Variants in NPSR1 observed in about 807,000 individuals in gnomAD.
NPSR1 encodes the protein neuropeptide S receptor 1.
A neutral mutation model predicts 46.9 loss-of-function variants in NPSR1; 48 were observed. The observed-to-expected ratio is 1.02, with a 90% CI of 0.81 to 1.30. The LOEUF (loss-of-function observed/expected upper bound fraction) is 1.30, where lower values mean the gene tolerates loss of function less well. Ranked by LOEUF, NPSR1 falls within the 50% of genes most tolerant of loss-of-function variation. The probability of loss-of-function intolerance (pLI) is 0.00; values close to 1 mark genes in which losing one functional copy is unlikely to be tolerated. For synonymous variants in NPSR1, 176 were observed against 168.1 expected (o/e 1.05, Z -0.36); for missense variants, 450 against 449.5 (o/e 1.00, Z -0.01).
rs542634311 is a variant in NPSR1 at position 34,858,789 on chromosome 7, C to T, written c.1025+10126C>T. On this transcript the variant is annotated intron_variant, in intron 8 of 8. Coordinates refer to the NPSR1 transcript ENST00000359791. Reference sequence around the variant, plus strand: ...AAGAACAGCACAGGAAAGACCTGTCCCCATGATTCAGTCATCTCCCACTGG... The same window carrying T: ...AAGAACAGCACAGGAAAGACCTGTCTCCATGATTCAGTCATCTCCCACTGG... Among the ~76,000 whole-genome samples the T allele has an allele frequency of 3.3e-5, 5 of 151,834 alleles. No homozygotes were observed. In the East Asian group the frequency reaches 9.6e-4, roughly 29 times the overall value.
intron 3 of NPSR1, among the ~76,000 whole-genome samples, chr7:34,804,534 T>C (rs572255072): frequency 3.6e-4 from 54 of 152,094 alleles, no homozygotes; most frequent in African/African-American, 1.3e-3. Context: ...TCAACTTCAT[T>C]AACAGCATCT....
chr7:34,671,296 GTTT>G (rs1193267971), intron 1 of NPSR1, among the ~76,000 whole-genome samples: 1 of 151,930 alleles, frequency 6.6e-6, no homozygotes, highest in Non-Finnish European at 1.5e-5. Context: ...TTTGCAGATG[GTTT>G]TTATTTTATC....
chr7:34,771,042 T>A (rs1229458057), intron 2 of NPSR1, among the ~76,000 whole-genome samples: 2 of 152,220 alleles, frequency 1.3e-5, no homozygotes, highest in Non-Finnish European at 2.9e-5. Context: ...AACACACCAA[T>A]TCTTGGGCAC....
At chr7:34,804,294 G>T (rs1453938978) in intron 3 of NPSR1, among the ~76,000 whole-genome samples, 1 of 151,962 alleles carries the variant, frequency 6.6e-6, no homozygotes, top group Non-Finnish European at 1.5e-5. Flanking sequence ...TTGTTTAAAG[G>T]TATAATCATG....
intron 1 of NPSR1, among the ~76,000 whole-genome samples, chr7:34,678,761 G>C (rs1792461873): frequency 1.3e-5 from 2 of 150,406 alleles, no homozygotes; most frequent in South Asian, 4.2e-4. Flanking sequence ...GGCAGGCGGA[G>C]CTTGCAGTGA....
chr7:34,811,154 C>A (rs2128750760), intron 3 of NPSR1, among the ~76,000 whole-genome samples: 1 of 152,204 alleles, frequency 6.6e-6, no homozygotes, highest in African/African-American at 2.4e-5. Flanking sequence ...TCTTGGTGGC[C>A]ATGTCCTCGT....
At chr7:34,683,891 C>T (rs890986180) in intron 1 of NPSR1, among the ~76,000 whole-genome samples, 2 of 152,178 alleles carry the variant, frequency 1.3e-5, no homozygotes, top group Non-Finnish European at 2.9e-5. Flanking sequence ...CACATTCAAA[C>T]CACAGAAACA....
intron 2 of NPSR1, among the ~76,000 whole-genome samples, chr7:34,775,907 T>A (rs1030182296): frequency 1.3e-5 from 2 of 152,120 alleles, no homozygotes; most frequent in African/African-American, 4.8e-5. Flanking sequence ...CTGTATCCCA[T>A]AGATTTTGGT....
intron 4 of NPSR1, among the ~76,000 whole-genome samples, chr7:34,813,119 TA>T (rs1789073967): frequency 1.3e-5 from 2 of 152,232 alleles, no homozygotes; most frequent in African/African-American, 4.8e-5. Flanking sequence ...CATGTATACA[TA>T]TGTGATGTAT....
intron 4 of NPSR1, among the ~76,000 whole-genome samples, chr7:34,820,322 T>C (rs1789490605): frequency 6.6e-6 from 1 of 152,194 alleles, no homozygotes; most frequent in African/African-American, 2.4e-5. Context: ...ATTTTAAAAA[T>C]AGAAAATATA....
At chr7:34,795,724 A>C (rs1053398965) in intron 3 of NPSR1, among the ~76,000 whole-genome samples, 3 of 152,170 alleles carry the variant, frequency 2.0e-5, no homozygotes, top group Non-Finnish European at 4.4e-5. Flanking sequence ...CTATACAAGG[A>C]AAACTACGAA....
chr7:34,685,198 T>G (rs558092938), intron 2 of NPSR1, among the ~76,000 whole-genome samples: 3 of 152,322 alleles, frequency 2.0e-5, no homozygotes, highest in African/African-American at 7.2e-5. Context: ...TCGGGATGCT[T>G]AAGTGTAGAC....
At chr7:34,751,388 T>G (rs1352521940) in intron 2 of NPSR1, 1 of 1,022,188 alleles carries the variant, frequency 9.8e-7, no homozygotes, top group Non-Finnish European at 1.6e-6. Context: ...AGGCCTGAGT[T>G]GTTGTAGACT....
chr7:34,803,009 A>G (rs1788496247), intron 3 of NPSR1, among the ~76,000 whole-genome samples: 1 of 150,384 alleles, frequency 6.6e-6, no homozygotes, highest in African/African-American at 2.5e-5. Flanking sequence ...AATCAAAACC[A>G]CAATGAGCTA....
chr7:34,823,020 G>A (rs1789629905), intron 4 of NPSR1, among the ~76,000 whole-genome samples: 1 of 152,018 alleles, frequency 6.6e-6, no homozygotes, highest in Admixed American at 6.6e-5. Flanking sequence ...TTTTTATAAA[G>A]AAGTCTGGCA....
intron 3 of NPSR1, among the ~76,000 whole-genome samples, chr7:34,809,066 A>G (rs1344254042): frequency 3.3e-5 from 5 of 152,062 alleles, no homozygotes; most frequent in Admixed American, 1.3e-4. Flanking sequence ...CAGAGCCCCA[A>G]GATCCTTATA....
intron 3 of NPSR1, among the ~76,000 whole-genome samples, chr7:34,785,294 C>T (rs1043040360): frequency 6.1e-5 from 9 of 148,220 alleles, no homozygotes; most frequent in African/African-American, 2.3e-4. Flanking sequence ...AAAAGCCAAA[C>T]ATCGCATGTT....
In NPSR1 at chr7:34,849,853, C is replaced by A. The variant is rs1475021271; in HGVS notation, c.*198C>A. 7.5e-6 allele frequency: 10 copies of A among 1,340,834 alleles called. No individual in the cohort carries two copies. The highest frequency in any genetic ancestry group is 7.7e-6 in the Non-Finnish European group (8 of 1,043,408). The allele number at this position is 1,340,834 out of a possible 1,614,324, so 83.1% of individuals were successfully genotyped here. On this transcript the variant is annotated 3_prime_UTR_variant, in exon 9 of 9. Coordinates refer to ENST00000360581, the MANE Select transcript of NPSR1 (RefSeq NM_207172.2). ...AACACGAACTCCCCAGTTATTCATG[C>A]CAGCCAGGAAGGAAACGCCTTCCTT...
At chr7:34,686,133 T>C (rs1583807006) in intron 2 of NPSR1, 1 of 152,998 alleles carries the variant, frequency 6.5e-6, no homozygotes, top group Non-Finnish European at 1.5e-5. Flanking sequence ...TCATAAACAA[T>C]AAACAAATGA....
Sources: allele counts gnomAD v4.1 joint callset (sites outside exome capture counted in the v4.1 genomes callset), GRCh38; gene constraint gnomAD v4.1.1; transcripts MANE v1.5; gene names NCBI Gene and HGNC (gene_info 2026-07-23, HGNC 2026-07-21).